MAX: variants seen among roughly 807,000 people sequenced by gnomAD.
MAX encodes the protein MYC associated transcriptional regulator X, also known as protein max.
MAX carries 3 observed loss-of-function variants against 22.3 expected under a neutral mutation model. The ratio of observed to expected loss-of-function variants is 0.13; its 90% CI spans 0.06 to 0.35. The LOEUF (loss-of-function observed/expected upper bound fraction) is 0.35. MAX is among the 10% of genes least tolerant of loss of function. The pLI, the probability that MAX is intolerant of heterozygous loss-of-function variation, is 1.00. For synonymous variants in MAX, 72 were observed against 77.7 expected (o/e 0.93, Z 0.39); for missense variants, 119 against 209.4 (o/e 0.57, Z 2.66).
intron 3 of MAX, among the ~76,000 whole-genome samples, chr14:65,017,929 C>T (rs765093338): frequency 7.3e-5 from 11 of 151,720 alleles, no homozygotes; most frequent in Non-Finnish European, 1.6e-4. Flanking sequence ...CACTCCAGTC[C>T]GGGCAACAGA....
At position 65,015,446 on chromosome 14, in the gene MAX, A is replaced by G. The variant is rs878967073; in HGVS notation, c.172-9162T>C. The G allele has an allele frequency of 2.0e-5, 6 of 294,922 alleles. No individual in the cohort carries two copies. The Admixed American group carries it at 4.0e-4, about 20-fold the overall frequency. The allele number at this position is 294,922 out of a possible 1,614,324, so 18.3% of individuals were successfully genotyped here. A position where few individuals can be genotyped will look rare whatever the true frequency, so the allele number is the denominator to read the frequency against. ...TTTTTTTTTTTTTTAACAGATGGTC[A>G]TTTCAGCTCCTGGCTAAGGCCACAA... On this transcript the variant is annotated intron_variant, in intron 3 of 3. Transcript: ENST00000341653.
At chr14:65,037,820 G>T (rs1246065804) in intron 3 of MAX, among the ~76,000 whole-genome samples, 1 of 147,450 alleles carries the variant, frequency 6.8e-6, no homozygotes, top group Non-Finnish European at 1.5e-5. Flanking sequence ...TTGCTCTGTT[G>T]CCCAGGCTGG....
intron 3 of MAX, among the ~76,000 whole-genome samples, chr14:65,006,688 C>T (rs974897557): frequency 2.6e-5 from 4 of 152,192 alleles, no homozygotes; most frequent in Non-Finnish European, 4.4e-5. Context: ...CTCTGTTTCT[C>T]ACATGAACCT....
intron 3 of MAX, chr14:65,022,192 G>A (rs896584884): frequency 2.5e-6 from 1 of 397,334 alleles, no homozygotes; most frequent in Non-Finnish European, 5.1e-6. Flanking sequence ...TTGATGTGAT[G>A]CCAGCTCATG....
rs1043238229 is a variant in MAX at position 65,093,945 on chromosome 14, G to A, written c.64-130C>T. On this transcript the variant is annotated intron_variant, in intron 2 of 4. Transcript: ENST00000358664. The surrounding 1 kb of genome is among the most constrained non-coding windows in gnomAD (Gnocchi z 4.4). ...GCGAGTGGACTGGGAAGGATTTCTC[G>A]AGGTGGGCAGTTAGGAGTCTCCAGA... 2.5e-5 allele frequency: 18 copies of A among 720,928 alleles called. 1 individual carries two copies. Among genetic ancestry groups the A allele is most frequent in the East Asian group, 7.8e-5 (3 of 38,344 alleles). 44.7% of individuals were successfully genotyped at this position (720,928 alleles called of 1,614,324 possible).
intron 3 of MAX, among the ~76,000 whole-genome samples, chr14:65,015,106 T>G (rs1401472527): frequency 6.9e-6 from 1 of 145,102 alleles, no homozygotes; most frequent in African/African-American, 2.8e-5. Context: ...TTTCTTTTCT[T>G]TCTTTTTTTT....
chr14:65,072,264 T>C (rs1220116406), downstream of MAX, among the ~76,000 whole-genome samples: 1 of 152,134 alleles, frequency 6.6e-6, no homozygotes, highest in East Asian at 1.9e-4. Context: ...CCCCATGTCA[T>C]TACCCCTGCT....
rs2063049881 is a variant in MAX at position 65,076,133 on chromosome 14, G to T, written c.*343C>A. 1.5e-6 allele frequency: 2 copies of T among 1,312,652 alleles called. No homozygotes were observed. The highest frequency in any genetic ancestry group is 1.9e-6 in the Non-Finnish European group (2 of 1,029,704). 81.3% of individuals were successfully genotyped at this position (1,312,652 alleles called of 1,614,324 possible). ...CGGGCATGTGCCCGGCAGGGCTGGA[G>T]GAGCTGGTAGGGTGGGCAGGACACT... On this transcript the variant is annotated 3_prime_UTR_variant, in exon 5 of 5. Transcript: ENST00000358664. This position sits in a 1 kb window ranked among gnomAD's most constrained non-coding sequence, Gnocchi z 6.6.
At chr14:65,024,210 C>A (rs2061939173) in intron 3 of MAX, among the ~76,000 whole-genome samples, 1 of 152,022 alleles carries the variant, frequency 6.6e-6, no homozygotes, top group Non-Finnish European at 1.5e-5. Context: ...GTTTGAGAAG[C>A]ACTGATACCT....
chr14:65,084,276 C>A lies in MAX; in HGVS notation c.172-6240G>T, dbSNP rs544912317. On this transcript the variant is annotated intron_variant, in intron 3 of 4. Transcript: ENST00000358664. This position sits in a 1 kb window ranked among gnomAD's most constrained non-coding sequence, Gnocchi z 4.3. ...TTTGACGATGAAGGACAGGAGTACA[C>A]AATTTCCAAAAGAGGAAATAGAGCT... The A allele has an allele frequency of 3.1e-6, 5 of 1,607,302 alleles. No homozygotes were observed. The South Asian group carries it at 4.4e-5, about 14-fold the overall frequency.
rs910697609 is a variant in MAX at position 65,044,887 on chromosome 14, GTGTAGGGGTGGGT to G, written c.172-38616_172-38604del. On this transcript the variant is annotated intron_variant, in intron 3 of 3. Transcript: ENST00000341653. The surrounding 1 kb of genome is among the most constrained non-coding windows in gnomAD (Gnocchi z 5.5). The stretch of plus-strand genomic sequence containing the variant: ...AAAGGGGTAGAGAACCAGAACCCAT[GTGTAGGGGTGGGT>G]TGTAGGGGTGGGTTGCCCCTACACC... 1.0e-4 allele frequency: 16 copies of G among 154,888 alleles called. 1 individual carries two copies. In the South Asian group the frequency reaches 1.1e-3, roughly 11 times the overall value. 9.6% of individuals were successfully genotyped at this position (154,888 alleles called of 1,614,324 possible).
intron 3 of MAX, among the ~76,000 whole-genome samples, chr14:65,086,116 C>T (rs538096347): frequency 3.3e-5 from 5 of 152,266 alleles, no homozygotes; most frequent in African/African-American, 1.2e-4. Flanking sequence ...CCATGTAAAA[C>T]GTGACTTGCT....
chr14:65,100,898 T>C (rs2063811888), intron 2 of MAX, among the ~76,000 whole-genome samples: 1 of 152,260 alleles, frequency 6.6e-6, no homozygotes. Context: ...GTCTCATCCA[T>C]CACCTTTCAG....
chr14:65,044,204 A>G lies in MAX; in HGVS notation c.172-37920T>C. 9 of 1,578,382 alleles carry G rather than the reference A, an allele frequency of 5.7e-6. No homozygotes were observed. Among genetic ancestry groups the G allele is most frequent in the South Asian group, 2.3e-5 (2 of 87,042 alleles). On this transcript the variant is annotated intron_variant, in intron 3 of 3. Transcript: ENST00000341653. The surrounding 1 kb of genome is among the most constrained non-coding windows in gnomAD (Gnocchi z 5.5). The stretch of plus-strand genomic sequence containing the variant: ...ACCAAAACTAGAGTGCCAAGAAGCC[A>G]CAAGATGGGAAACCCTCCATCCCAC...
At chr14:65,072,449 A>G (rs1306374007), downstream of MAX, among the ~76,000 whole-genome samples, 1 of 152,170 alleles carries the variant, frequency 6.6e-6, no homozygotes, top group Non-Finnish European at 1.5e-5. Flanking sequence ...CCCCACCTTC[A>G]TCCTGACCTC....
chr14:65,068,034 G>A (rs2062948938), intron 3 of MAX, among the ~76,000 whole-genome samples: 1 of 152,104 alleles, frequency 6.6e-6, no homozygotes, highest in Non-Finnish European at 1.5e-5. Flanking sequence ...TGTTTATGCT[G>A]ATGTTACCCT....
intron 3 of MAX, among the ~76,000 whole-genome samples, chr14:65,037,955 G>T (rs1367784976): frequency 6.6e-6 from 1 of 150,608 alleles, no homozygotes; most frequent in South Asian, 2.1e-4. Context: ...AATTTTTACG[G>T]GGTTTCGCCA....
chr14:65,038,375 A>C (rs1053621119), intron 3 of MAX, among the ~76,000 whole-genome samples: 1 of 151,292 alleles, frequency 6.6e-6, no homozygotes, highest in Middle Eastern at 3.2e-3. Context: ...GCACCATTGC[A>C]CTCCAGCCCA....
At chr14:65,043,900 A>G (rs1200002125) in intron 3 of MAX, among the ~76,000 whole-genome samples, 1 of 151,012 alleles carries the variant, frequency 6.6e-6, no homozygotes, top group African/African-American at 2.4e-5. Context: ...CTTTTAATAA[A>G]CTCCCCGGAG....
Sources: allele counts gnomAD v4.1 joint callset (sites outside exome capture counted in the v4.1 genomes callset), GRCh38; gene constraint gnomAD v4.1.1; non-coding constraint Gnocchi (gnomAD v3.1); transcripts MANE v1.5; gene names NCBI Gene and HGNC (gene_info 2026-07-23, HGNC 2026-07-21).